Variants in SNTG1 observed in about 807,000 individuals in gnomAD.
The protein encoded by SNTG1 is gamma-1-syntrophin.
SNTG1 carries 39 observed loss-of-function variants against 74.7 expected under a neutral mutation model. The ratio of observed to expected loss-of-function variants is 0.52; its 90% CI spans 0.40 to 0.68. The LOEUF is 0.68. SNTG1 is among the 30% of genes least tolerant of loss of function. The probability of loss-of-function intolerance (pLI) is 0.00; values close to 1 mark genes in which losing one functional copy is unlikely to be tolerated. For synonymous variants in SNTG1, 254 were observed against 217.1 expected (o/e 1.17, Z -1.49); for missense variants, 685 against 609.5 (o/e 1.12, Z -1.30).
chr8:50,437,337 C>CTT (rs1192188897), intron 4 of SNTG1, among the ~76,000 whole-genome samples: 2 of 152,024 alleles, frequency 1.3e-5, no homozygotes, highest in Admixed American at 6.6e-5. Flanking sequence ...CAATCTTGTT[C>CTT]TTTAAGTATT....
At chr8:50,491,108 C>G (rs1313472817) in intron 8 of SNTG1, 1 of 152,382 alleles carries the variant, frequency 6.6e-6, no homozygotes, top group African/African-American at 2.4e-5. Context: ...GGCCCAGGGC[C>G]CTTCCTGCCC....
intron 1 of SNTG1, among the ~76,000 whole-genome samples, chr8:49,973,538 T>C (rs1811915830): frequency 6.7e-6 from 1 of 148,976 alleles, no homozygotes; most frequent in Non-Finnish European, 1.5e-5. Flanking sequence ...AAGAAAAGAG[T>C]CTGGCTGAGG....
intron 2 of SNTG1, among the ~76,000 whole-genome samples, chr8:50,329,170 C>A (rs982839446): frequency 5.3e-5 from 8 of 152,174 alleles, no homozygotes; most frequent in Non-Finnish European, 1.0e-4. Flanking sequence ...TCCCCGATAC[C>A]CTCCCCTGGC....
chr8:50,726,771 A>G (rs2095501285), intron 17 of SNTG1, among the ~76,000 whole-genome samples: 1 of 152,078 alleles, frequency 6.6e-6, no homozygotes, highest in Non-Finnish European at 1.5e-5. Context: ...AAGGCGTGAA[A>G]CCAGGAGGTG....
intron 1 of SNTG1, among the ~76,000 whole-genome samples, chr8:50,042,110 T>G (rs1355358756): frequency 6.6e-6 from 1 of 152,186 alleles, no homozygotes; most frequent in Non-Finnish European, 1.5e-5. Flanking sequence ...ATTTCTAACC[T>G]TTTCTTCTCA....
chr8:50,416,966 T>C (rs1426652145), intron 4 of SNTG1, among the ~76,000 whole-genome samples: 1 of 152,160 alleles, frequency 6.6e-6, no homozygotes, highest in Non-Finnish European at 1.5e-5. Flanking sequence ...AAGTAATACA[T>C]TCAAGTGCAC....
At chr8:50,339,068 G>C (rs2130924406) in intron 2 of SNTG1, among the ~76,000 whole-genome samples, 1 of 152,194 alleles carries the variant, frequency 6.6e-6, no homozygotes, top group South Asian at 2.1e-4. Flanking sequence ...ACCTTACTTA[G>C]AGAGGTATAA....
rs538166964 is a variant in SNTG1 at position 50,125,748 on chromosome 8, G to A, written c.-102-46813G>A. On this transcript the variant is annotated intron_variant, in intron 1 of 18. Transcript: ENST00000642720. ...CAGTGACTTGTTTCCTAAGTGCTTA[G>A]TATATGGTGTGTTACGTTGCTGTAT... Among the ~76,000 whole-genome samples the A allele has an allele frequency of 4.5e-4, 69 of 151,820 alleles. 7 individuals carry two copies. The highest frequency in any genetic ancestry group is 1.5e-3 in the African/African-American group (63 of 41,444).
At chr8:50,123,061 G>T (rs1465824119) in intron 1 of SNTG1, among the ~76,000 whole-genome samples, 1 of 142,292 alleles carries the variant, frequency 7.0e-6, no homozygotes, top group Non-Finnish European at 1.6e-5. Context: ...CAATACTGCA[G>T]GTGAGAGTAG....
At chr8:50,650,011 T>C (rs552667727) in intron 13 of SNTG1, among the ~76,000 whole-genome samples, 1 of 151,846 alleles carries the variant, frequency 6.6e-6, no homozygotes, top group East Asian at 1.9e-4. Context: ...GCACATTGAG[T>C]AAAAGTAGAA....
At chr8:50,486,858 G>A (rs1234389176) in intron 8 of SNTG1, among the ~76,000 whole-genome samples, 1 of 152,110 alleles carries the variant, frequency 6.6e-6, no homozygotes, top group Non-Finnish European at 1.5e-5. Flanking sequence ...TTTTTAGCAT[G>A]AAGCGTTGTT....
At chr8:50,721,830 G>A (rs531189665) in intron 17 of SNTG1, among the ~76,000 whole-genome samples, 20 of 152,200 alleles carry the variant, frequency 1.3e-4, no homozygotes, top group Admixed American at 1.1e-3. Flanking sequence ...ACATAGGAAA[G>A]GGCCCAGCAC....
chr8:50,317,906 T>C (rs1231446202), intron 2 of SNTG1, among the ~76,000 whole-genome samples: 1 of 152,218 alleles, frequency 6.6e-6, no homozygotes, highest in Non-Finnish European at 1.5e-5. Context: ...GCGCAATCTC[T>C]GCTCACTGCA....
intron 17 of SNTG1, among the ~76,000 whole-genome samples, chr8:50,749,360 A>G (rs546738989): frequency 4.1e-4 from 62 of 152,188 alleles, no homozygotes; most frequent in African/African-American, 1.4e-3. Flanking sequence ...GAGAGAAGCC[A>G]TCTCTACACC....
intron 17 of SNTG1, among the ~76,000 whole-genome samples, chr8:50,719,133 A>G (rs1288792559): frequency 6.6e-6 from 1 of 152,214 alleles, no homozygotes; most frequent in Non-Finnish European, 1.5e-5. Context: ...GAAAAAAGCA[A>G]CAATAACAAG....
intron 12 of SNTG1, among the ~76,000 whole-genome samples, chr8:50,556,851 A>T (rs902629889): frequency 6.6e-6 from 1 of 152,154 alleles, no homozygotes; most frequent in African/African-American, 2.4e-5. Flanking sequence ...TTCAGATGAG[A>T]TAGCAGATGA....
At chr8:50,582,535 G>A (rs757604705) in intron 12 of SNTG1, among the ~76,000 whole-genome samples, 3 of 151,632 alleles carry the variant, frequency 2.0e-5, no homozygotes, top group African/African-American at 7.3e-5. Flanking sequence ...AGTGTGTATG[G>A]GTGTGTGGGT....
intron 18 of SNTG1, among the ~76,000 whole-genome samples, chr8:50,782,619 A>C (rs1299091614): frequency 7.1e-6 from 1 of 141,100 alleles, no homozygotes; most frequent in African/African-American, 2.6e-5. Context: ...AATTTTTTTC[A>C]AAGGTTTCAA....
intron 1 of SNTG1, among the ~76,000 whole-genome samples, chr8:50,065,040 T>A (rs1196627725): frequency 1.3e-5 from 2 of 152,086 alleles, no homozygotes; most frequent in East Asian, 1.9e-4. Context: ...GAAGAAAAAA[T>A]TTAAGAAATA....
Sources: gnomAD v4.1 joint callset for allele counts (sites outside exome capture counted in the v4.1 genomes callset) on GRCh38, gnomAD v4.1.1 for gene constraint, MANE v1.5 for transcripts, NCBI Gene and HGNC (gene_info 2026-07-23, HGNC 2026-07-21) for gene names.